The following ASCC3 variants were observed in gnomAD, a reference collection of about 807,000 sequenced individuals.
ASCC3 encodes ASC-1 complex subunit P200.
Under a neutral mutation model 256.3 loss-of-function variants are expected in ASCC3, and 158 were observed. The observed-to-expected ratio is 0.62, with a 90% CI of 0.54 to 0.70. ASCC3 has a LOEUF of 0.70. Among genes scored for constraint, ASCC3 ranks in the 30% least tolerant of loss-of-function variants. The probability of loss-of-function intolerance (pLI) is 0.00; values close to 1 mark genes in which losing one functional copy is unlikely to be tolerated. For missense variants in ASCC3, 2,259 were observed against 2,626.0 expected (o/e 0.86, Z 3.05); for synonymous variants, 948 against 883.4 (o/e 1.07, Z -1.30).
At chr6:100,569,081 C>T (rs1275189838) in intron 36 of ASCC3, among the ~76,000 whole-genome samples, 1 of 152,012 alleles carries the variant, frequency 6.6e-6, no homozygotes, top group Admixed American at 6.6e-5. Flanking sequence ...TGGGGTTCCC[C>T]AGGTTTTCTT....
chr6:100,551,606 G>A, intron 36 of ASCC3, among the ~76,000 whole-genome samples: 1 of 151,818 alleles, frequency 6.6e-6, no homozygotes, highest in East Asian at 1.9e-4. Flanking sequence ...ATCCAAAAGT[G>A]TCTACACTGA....
At chr6:100,568,679 A>G (rs1770404495) in intron 36 of ASCC3, among the ~76,000 whole-genome samples, 1 of 150,924 alleles carries the variant, frequency 6.6e-6, no homozygotes, top group South Asian at 2.1e-4. Flanking sequence ...TGCTGTGCAG[A>G]AGCTCTTTGG....
chr6:100,652,940 T>G, intron 17 of ASCC3, 51 bp from the exon 18 acceptor site: 1 of 1,512,430 alleles, frequency 6.6e-7, no homozygotes, highest in Non-Finnish European at 9.2e-7. Flanking sequence ...AGAGTAACCA[T>G]TTGCAAACAT....
intron 32 of ASCC3, among the ~76,000 whole-genome samples, chr6:100,606,130 C>T (rs1258765472): frequency 6.6e-6 from 1 of 151,876 alleles, no homozygotes; most frequent in Non-Finnish European, 1.5e-5. Context: ...CCTTGTCCTC[C>T]CTGCACCCCG....
chr6:100,522,036 A>C (rs1774338568), intron 37 of ASCC3, among the ~76,000 whole-genome samples: 1 of 152,142 alleles, frequency 6.6e-6, no homozygotes, highest in African/African-American at 2.4e-5. Context: ...CTAAACAATA[A>C]AAGGTTGTTT....
At chr6:100,516,364 C>A in intron 38 of ASCC3, 37 bp from the exon 39 acceptor site, 1 of 1,612,412 alleles carries the variant, frequency 6.2e-7, no homozygotes, top group East Asian at 2.2e-5. Flanking sequence ...ATAATTGTTT[C>A]ACAGCACAAA....
rs1195444967 is a variant in ASCC3, at chr6:100,862,775, A to C, written c.241+1289T>G. 1.2e-4 allele frequency among the ~76,000 whole-genome samples: 19 copies of C among 152,202 alleles called. 1 individual carries two copies. ...AAAATGTCAGACAATAATACATGTT[A>C]TGGAGAAAATGTTATGAATGATTAT... On this transcript the variant is annotated intron_variant, in intron 3 of 41. Transcript: ENST00000369162.
intron 38 of ASCC3, 97 bp downstream of exon 38, chr6:100,517,894 G>T: frequency 7.6e-7 from 1 of 1,309,788 alleles, no homozygotes; most frequent in Non-Finnish European, 1.1e-6. Context: ...TCAATAATCA[G>T]TATTCTCCAT....
At chr6:100,570,629 C>T (rs1030888188) in intron 36 of ASCC3, among the ~76,000 whole-genome samples, 6 of 152,110 alleles carry the variant, frequency 3.9e-5, no homozygotes, top group South Asian at 2.1e-4. Context: ...AGAGCTCAAC[C>T]TTTAGACCTC....
intron 4 of ASCC3, among the ~76,000 whole-genome samples, chr6:100,843,893 T>C (rs3822977): frequency 0.045 from 6,904 of 151,748 alleles, 261 homozygotes; most frequent in Admixed American, 0.11. Context: ...TAAATAAAAG[T>C]TTGACTGTGC....
chr6:100,593,168 G>C (rs556985950), intron 34 of ASCC3, among the ~76,000 whole-genome samples: 1 of 152,082 alleles, frequency 6.6e-6, no homozygotes, highest in South Asian at 2.1e-4. Context: ...AGCCAGAAGC[G>C]TACTGAGAAA....
chr6:100,828,011 C>CA (rs149175655), intron 4 of ASCC3, among the ~76,000 whole-genome samples: 5,533 of 146,296 alleles, frequency 0.038, 188 homozygotes, highest in African/African-American at 0.088. Flanking sequence ...TATTTCCTTT[C>CA]AAACTTATTT....
chr6:100,570,592 C>G (rs868489995), intron 36 of ASCC3, among the ~76,000 whole-genome samples: 4 of 152,076 alleles, frequency 2.6e-5, no homozygotes, highest in Non-Finnish European at 5.9e-5. Flanking sequence ...CTCCTTCTCT[C>G]CCCAATGTCT....
intron 4 of ASCC3, among the ~76,000 whole-genome samples, chr6:100,842,426 T>G (rs1447271045): frequency 6.6e-6 from 1 of 152,192 alleles, no homozygotes; most frequent in African/African-American, 2.4e-5. Flanking sequence ...TTCATTCTCA[T>G]GTTCTCATGA....
At chr6:100,596,463 A>G (rs1772304574) in intron 34 of ASCC3, among the ~76,000 whole-genome samples, 1 of 152,180 alleles carries the variant, frequency 6.6e-6, no homozygotes. Context: ...TTTTTGCTTT[A>G]CATATCTGAT....
At chr6:100,629,308 T>C (rs1774416314) in intron 26 of ASCC3, 127 bp from the exon 27 acceptor site, 1 of 879,990 alleles carries the variant, frequency 1.1e-6, no homozygotes, top group Admixed American at 2.8e-5. Flanking sequence ...ACCTTTGATT[T>C]TTGAAATTTT....
chr6:100,575,829 T>G (rs937039963), intron 36 of ASCC3, among the ~76,000 whole-genome samples: 1 of 151,990 alleles, frequency 6.6e-6, no homozygotes, highest in Non-Finnish European at 1.5e-5. Context: ...AAAAAAAATT[T>G]TCCCTAACTT....
chr6:100,811,010 C>T (rs906622244), intron 4 of ASCC3, among the ~76,000 whole-genome samples: 1 of 152,050 alleles, frequency 6.6e-6, no homozygotes, highest in Admixed American at 6.6e-5. Context: ...AAGATGTGGC[C>T]GGGCGGGGTG....
intron 3 of ASCC3, among the ~76,000 whole-genome samples, chr6:100,863,522 C>T (rs1399192769): frequency 6.6e-6 from 1 of 152,176 alleles, no homozygotes; most frequent in Non-Finnish European, 1.5e-5. Context: ...TCCTACAAAT[C>T]CTTCATGCTA....
Sources: allele counts gnomAD v4.1 joint callset (sites outside exome capture counted in the v4.1 genomes callset), GRCh38; gene constraint gnomAD v4.1.1; transcripts MANE v1.5; gene names NCBI Gene and HGNC (gene_info 2026-07-23, HGNC 2026-07-21).